The following SPEF2 variants were observed in gnomAD, a reference collection of about 807,000 sequenced individuals.
The protein encoded by SPEF2 is sperm flagella and cilia-associated protein 2.
SPEF2 carries 187 observed loss-of-function variants against 224.6 expected under a neutral mutation model. That is an observed-to-expected ratio of 0.83 (90% CI 0.74 to 0.94). The LOEUF is 0.94. Ranked by LOEUF, SPEF2 falls within the 40% of genes least tolerant of loss-of-function variation. The pLI is 0.00. For synonymous variants in SPEF2, 715 were observed against 707.3 expected (o/e 1.01, Z -0.17); for missense variants, 2,170 against 2,135.6 (o/e 1.02, Z -0.32).
chr5:35,744,366 C>T (rs1748133534), intron 23 of SPEF2, among the ~76,000 whole-genome samples: 1 of 152,210 alleles, frequency 6.6e-6, no homozygotes, highest in Non-Finnish European at 1.5e-5. Flanking sequence ...CCAGCAATGT[C>T]TCTGGGCAAG....
At chr5:35,802,518 T>G (rs781693801) in intron 34 of SPEF2, among the ~76,000 whole-genome samples, 1 of 151,106 alleles carries the variant, frequency 6.6e-6, no homozygotes, top group Non-Finnish European at 1.5e-5. Context: ...GGTGATAAAT[T>G]CTATGGAAAA....
At chr5:35,638,967 A>G (rs1209601304) in intron 2 of SPEF2, among the ~76,000 whole-genome samples, 1 of 152,194 alleles carries the variant, frequency 6.6e-6, no homozygotes, top group Non-Finnish European at 1.5e-5. Flanking sequence ...TCTTATTGGC[A>G]GGACCACAGA....
intron 26 of SPEF2, chr5:35,764,564 T>A (rs141268135): frequency 3.9e-5 from 18 of 456,060 alleles, no homozygotes; most frequent in Middle Eastern, 3.2e-4. Context: ...CCAAGATGTC[T>A]TCTCTTTTCA....
intron 30 of SPEF2, among the ~76,000 whole-genome samples, chr5:35,780,775 T>A (rs1181908462): frequency 6.6e-6 from 1 of 152,174 alleles, no homozygotes; most frequent in Non-Finnish European, 1.5e-5. Flanking sequence ...TACACTCTGG[T>A]GACTGGGAGG....
intron 23 of SPEF2, among the ~76,000 whole-genome samples, chr5:35,743,091 T>C (rs1383988812): frequency 6.6e-6 from 1 of 151,450 alleles, no homozygotes; most frequent in Non-Finnish European, 1.5e-5. Flanking sequence ...ATATAATATA[T>C]ACATATATAT....
In SPEF2 at chr5:35,654,914, C is replaced by G. The variant is rs1434333042; in HGVS notation, c.978+188C>G. Among the ~76,000 whole-genome samples, 329 of 152,252 alleles carry G rather than the reference C, an allele frequency of 2.2e-3. 1 individual carries two copies. Among genetic ancestry groups the G allele is most frequent in the African/African-American group, 7.7e-3 (319 of 41,546 alleles). On this transcript the variant is annotated intron_variant, in intron 7 of 36. Coordinates refer to ENST00000356031, the MANE Select transcript of SPEF2 (RefSeq NM_024867.4). ...AGCTATTTACTAAAGAATCTAAAAT[C>G]TGGTGATAGTTGTACAACATTGTGA... is the stretch of plus-strand genomic sequence containing the variant.
At chr5:35,687,272 A>G (rs568586440) in intron 10 of SPEF2, among the ~76,000 whole-genome samples, 13 of 152,168 alleles carry the variant, frequency 8.5e-5, no homozygotes, top group Non-Finnish European at 1.3e-4. Context: ...AAACTTTTAC[A>G]TATAATTAGA....
In SPEF2 at chr5:35,795,810, C is replaced by T. The variant is rs193183260; in HGVS notation, c.4830+15C>T. ...ATCTTATAGAGGTAATGACTGAGAT[C>T]TTTAAAACATGTGGCATTATAGCAC... On this transcript the variant is annotated intron_variant, in intron 33 of 36. Coordinates refer to ENST00000356031, the MANE Select transcript of SPEF2 (RefSeq NM_024867.4). The T allele has an allele frequency of 9.0e-4, 1,423 of 1,583,914 alleles. 9 individuals carry two copies. The African/African-American group carries it at 0.016, about 18-fold the overall frequency.
chr5:35,790,946 T>A (rs890831646), intron 30 of SPEF2: 2 of 152,190 alleles, frequency 1.3e-5, no homozygotes, highest in Admixed American at 1.3e-4. Context: ...GGTAAACAAT[T>A]CTTATGTAAA....
At chr5:35,808,223 G>T (rs1758298881) in intron 36 of SPEF2, 3 of 854,874 alleles carry the variant, frequency 3.5e-6, no homozygotes, top group African/African-American at 1.8e-5. Context: ...TAATTTTATT[G>T]CCTGTATTAG....
At chr5:35,729,187 A>C (rs1233630465) in intron 21 of SPEF2, among the ~76,000 whole-genome samples, 1 of 152,208 alleles carries the variant, frequency 6.6e-6, no homozygotes, top group Non-Finnish European at 1.5e-5. Context: ...AGTAGAATAA[A>C]AGACTATTTA....
intron 30 of SPEF2, chr5:35,790,474 T>A: frequency 2.3e-6 from 1 of 428,026 alleles, no homozygotes; most frequent in East Asian, 3.5e-5. Flanking sequence ...AATTTAAAAG[T>A]AAAACAGTAA....
At chr5:35,751,080 C>CGTATATATATAT (rs1749529999) in intron 23 of SPEF2, among the ~76,000 whole-genome samples, 1 of 43,736 alleles carries the variant, frequency 2.3e-5, no homozygotes, top group Non-Finnish European at 4.5e-5. Context: ...TATATATATA[C>CGTATATATATAT]ACACACACAC....
chr5:35,666,311 C>T (rs1383088851), intron 8 of SPEF2, among the ~76,000 whole-genome samples: 1 of 152,164 alleles, frequency 6.6e-6, no homozygotes, highest in Non-Finnish European at 1.5e-5. Flanking sequence ...ATTTGAATCC[C>T]ACTTATTAAG....
intron 1 of SPEF2, among the ~76,000 whole-genome samples, chr5:35,620,366 G>T (rs1284769150): frequency 1.3e-5 from 2 of 152,072 alleles, no homozygotes; most frequent in African/African-American, 4.8e-5. Flanking sequence ...TAGACTGCTT[G>T]GAAATCTTTT....
chr5:35,746,018 G>T (rs1056601074), intron 23 of SPEF2, among the ~76,000 whole-genome samples: 6 of 152,196 alleles, frequency 3.9e-5, no homozygotes, highest in African/African-American at 1.4e-4. Context: ...ACAACCCCCA[G>T]TACCAACCCG....
chr5:35,641,546 G>T lies in SPEF2; in HGVS notation c.277G>T (p.Ala93Ser). 6.2e-7 allele frequency: 1 copy of T among 1,613,772 alleles called. No homozygotes were observed. The highest frequency in any genetic ancestry group is 1.1e-5 in the South Asian group (1 of 91,068). Residue 93 changes from alanine to serine, a missense_variant, in exon 3 of 37, where the codon GCA (alanine) becomes TCA (serine). By Grantham distance (99) the Ala-to-Ser change is moderately conservative. Coordinates refer to ENST00000356031, the MANE Select transcript of SPEF2 (RefSeq NM_024867.4). Reference sequence around the variant, plus strand: ...CATCATCACAGAAAAGCCTGGGGTGGCAACAAAGCTGTTATATCAATTGTA... The same window carrying T: ...CATCATCACAGAAAAGCCTGGGGTGTCAACAAAGCTGTTATATCAATTGTA... ...HGIITEKPGV[A>S]TKLLYQLYIA...
At chr5:35,784,149 A>C (rs1329639793) in intron 30 of SPEF2, among the ~76,000 whole-genome samples, 1 of 143,968 alleles carries the variant, frequency 6.9e-6, no homozygotes, top group African/African-American at 2.6e-5. Context: ...TTTTTTTGAG[A>C]TGGGGTCTTG....
At chr5:35,686,952 T>A (rs1344443649) in intron 10 of SPEF2, among the ~76,000 whole-genome samples, 1 of 152,142 alleles carries the variant, frequency 6.6e-6, no homozygotes, top group East Asian at 1.9e-4. Context: ...TGTTTGTGTG[T>A]GTGTGCTTGA....
Sources: allele counts gnomAD v4.1 joint callset (sites outside exome capture counted in the v4.1 genomes callset), GRCh38; gene constraint gnomAD v4.1.1; transcripts MANE v1.5; gene names NCBI Gene and HGNC (gene_info 2026-07-23, HGNC 2026-07-21).